The following FHOD3 variants were observed in gnomAD, a reference collection of about 807,000 sequenced individuals.
FHOD3 encodes the protein formin homology 2 domain containing 3.
In FHOD3, 90 loss-of-function variants were observed where a neutral mutation model predicts 173.0. The ratio of observed to expected loss-of-function variants is 0.52; its 90% CI spans 0.44 to 0.62. The LOEUF (loss-of-function observed/expected upper bound fraction) is 0.62, where lower values mean the gene tolerates loss of function less well. Among genes scored for constraint, FHOD3 ranks in the 20% least tolerant of loss-of-function variants. The probability of loss-of-function intolerance (pLI) is 0.00; values close to 1 mark genes in which losing one functional copy is unlikely to be tolerated. For synonymous variants in FHOD3, 828 were observed against 823.0 expected (o/e 1.01, Z -0.10); for missense variants, 1,945 against 2,034.7 (o/e 0.96, Z 0.85).
intron 4 of FHOD3, among the ~76,000 whole-genome samples, chr18:36,504,006 C>A (rs1375803306): frequency 6.6e-6 from 1 of 152,196 alleles, no homozygotes; most frequent in Admixed American, 6.5e-5. Context: ...CTCATTGCAA[C>A]CTCCACTTTC....
intron 4 of FHOD3, among the ~76,000 whole-genome samples, chr18:36,510,473 A>G (rs1235593126): frequency 1.3e-5 from 2 of 152,182 alleles, no homozygotes; most frequent in Admixed American, 1.3e-4. Context: ...TCGCCTGTCC[A>G]GTGTTTTTTC....
At chr18:36,364,466 G>T (rs555803838) in intron 2 of FHOD3, among the ~76,000 whole-genome samples, 3 of 152,324 alleles carry the variant, frequency 2.0e-5, no homozygotes, top group Middle Eastern at 3.4e-3. Context: ...AGGGCACAGT[G>T]AATAGTGGGC....
rs569077328 is a variant in FHOD3 at position 36,744,907 on chromosome 18, G to T, written c.4041+714G>T. Among the ~76,000 whole-genome samples the T allele has an allele frequency of 3.9e-5, 6 of 152,304 alleles. No individual in the cohort carries two copies. In the East Asian group the frequency reaches 1.2e-3, roughly 29 times the overall value. ...AAGGTCTTAGGAGCACAGGAAACTC[G>T]CTAGGGGAGAGGGCAGGGGTGGAAA... is the stretch of plus-strand genomic sequence containing the variant. On this transcript the variant is annotated intron_variant, in intron 23 of 28. Coordinates refer to ENST00000590592, the MANE Select transcript of FHOD3 (RefSeq NM_001281740.3).
chr18:36,347,487 A>G (rs1965232917), intron 1 of FHOD3, among the ~76,000 whole-genome samples: 1 of 152,206 alleles, frequency 6.6e-6, no homozygotes, highest in South Asian at 2.1e-4. Flanking sequence ...AAACTGCTTA[A>G]GTCAATTTCA....
intron 1 of FHOD3, among the ~76,000 whole-genome samples, chr18:36,309,404 A>G (rs2092192630): frequency 6.6e-6 from 1 of 152,228 alleles, no homozygotes; most frequent in South Asian, 2.1e-4. Flanking sequence ...TGCAGAGTCC[A>G]ACTGCCCTTC....
chr18:36,773,371 AG>A (rs2043479789), intron 28 of FHOD3, among the ~76,000 whole-genome samples: 1 of 152,160 alleles, frequency 6.6e-6, no homozygotes, highest in Admixed American at 6.5e-5. Context: ...GGGGAGGCAT[AG>A]GGTTCCCATG....
chr18:36,637,133 T>G (rs1268441027), intron 10 of FHOD3, among the ~76,000 whole-genome samples: 1 of 152,176 alleles, frequency 6.6e-6, no homozygotes, highest in Non-Finnish European at 1.5e-5. Flanking sequence ...ACTAGGTGTG[T>G]TATTTCAGAG....
chr18:36,565,160 A>T (rs913567831), intron 5 of FHOD3, among the ~76,000 whole-genome samples: 21 of 152,310 alleles, frequency 1.4e-4, no homozygotes, highest in African/African-American at 5.1e-4. Context: ...AGTTCCAAGA[A>T]TGTCAACAAT....
intron 5 of FHOD3, among the ~76,000 whole-genome samples, chr18:36,568,734 T>C (rs1283875555): frequency 6.6e-6 from 1 of 152,154 alleles, no homozygotes; most frequent in Admixed American, 6.5e-5. Flanking sequence ...TAAACAAAAA[T>C]GTCAACATTT....
At chr18:36,723,775 A>G (rs2040912784) in intron 19 of FHOD3, among the ~76,000 whole-genome samples, 1 of 152,196 alleles carries the variant, frequency 6.6e-6, no homozygotes, top group Non-Finnish European at 1.5e-5. Context: ...CAATTGCAGC[A>G]CCTTCTGGGG....
chr18:36,633,437 C>CT (rs1568524690), intron 10 of FHOD3, among the ~76,000 whole-genome samples: 1 of 152,186 alleles, frequency 6.6e-6, no homozygotes. Flanking sequence ...TCATATCTGC[C>CT]TAACTACCTA....
chr18:36,349,014 T>C (rs1356460074), intron 1 of FHOD3, among the ~76,000 whole-genome samples: 1 of 152,144 alleles, frequency 6.6e-6, no homozygotes, highest in African/African-American at 2.4e-5. Context: ...GTCAGAACCC[T>C]AAAGTTGCTG....
intron 3 of FHOD3, among the ~76,000 whole-genome samples, chr18:36,483,797 C>A (rs561603519): frequency 6.6e-6 from 1 of 152,242 alleles, no homozygotes; most frequent in African/African-American, 2.4e-5. Flanking sequence ...GGTTAATGAG[C>A]CCTCTGGAGC....
intron 3 of FHOD3, among the ~76,000 whole-genome samples, chr18:36,485,967 A>G (rs1458206987): frequency 2.0e-5 from 3 of 152,080 alleles, no homozygotes; most frequent in Non-Finnish European, 2.9e-5. Context: ...AGTTTACCCA[A>G]ATGACTAGGG....
chr18:36,778,459 TA>T (rs2043851242), intron 28 of FHOD3: 1 of 152,218 alleles, frequency 6.6e-6, no homozygotes, highest in South Asian at 2.1e-4. Context: ...ATACAATTTG[TA>T]AATTAAGGAA....
chr18:36,416,008 G>A (rs943928224), intron 3 of FHOD3, among the ~76,000 whole-genome samples: 2 of 152,144 alleles, frequency 1.3e-5, no homozygotes, highest in African/African-American at 4.8e-5. Context: ...ACATTGAATA[G>A]CTGAATATCA....
intron 20 of FHOD3, among the ~76,000 whole-genome samples, chr18:36,739,411 C>G (rs181342864): frequency 6.6e-6 from 1 of 152,312 alleles, no homozygotes; most frequent in East Asian, 1.9e-4. Context: ...CCAGCTTGCC[C>G]TTGAATTCTT....
chr18:36,730,575 T>C (rs2041305735), intron 19 of FHOD3, 71 bp from the exon 20 acceptor site: 1 of 1,490,648 alleles, frequency 6.7e-7, no homozygotes, highest in African/African-American at 1.4e-5. Flanking sequence ...TAGTGAGTGC[T>C]TTTAATAATG....
Position 36,709,100 on chromosome 18 carries a change from G to A in FHOD3, c.2242G>A (p.Ala748Thr). ...PGTPHHPQASAGDPEPESEAE... is the reference protein window; with the variant it reads ...PGTPHHPQASTGDPEPESEAE... ...TCCATTGTTGTCTCCACCAGCAAGTGCCGGGGATCCTGAACCCGAATCAGA... is the reference window on the plus strand; with the variant it reads ...TCCATTGTTGTCTCCACCAGCAAGTACCGGGGATCCTGAACCCGAATCAGA... The change falls in exon 18 of 29, where the codon GCC (alanine) becomes ACC (threonine). Residue 748 changes from alanine (A) to threonine (T), a missense_variant. Physicochemically the swap from Ala to Thr is moderately conservative, Grantham distance 58. Coordinates refer to ENST00000590592, the MANE Select transcript of FHOD3 (RefSeq NM_001281740.3). The A allele has an allele frequency of 6.2e-7, 1 of 1,612,000 alleles. No homozygotes were observed. Among genetic ancestry groups the A allele is most frequent in the Non-Finnish European group, 8.5e-7 (1 of 1,178,240 alleles).
Sources: allele counts gnomAD v4.1 joint callset (sites outside exome capture counted in the v4.1 genomes callset), GRCh38; gene constraint gnomAD v4.1.1; transcripts MANE v1.5; gene names NCBI Gene and HGNC (gene_info 2026-07-23, HGNC 2026-07-21).